Variants in ACSF2 observed in about 807,000 individuals in gnomAD.
ACSF2 encodes the protein acyl-CoA synthetase family member 2.
Under a neutral mutation model 79.3 loss-of-function variants are expected in ACSF2, and 52 were observed. That is an observed-to-expected ratio of 0.66 (90% CI 0.53 to 0.83). The LOEUF (loss-of-function observed/expected upper bound fraction) is 0.83. Among genes scored for constraint, ACSF2 ranks in the 40% least tolerant of loss-of-function variants. The probability of loss-of-function intolerance (pLI) is 0.00; values close to 1 mark genes in which losing one functional copy is unlikely to be tolerated. For synonymous variants in ACSF2, 283 were observed against 312.6 expected (o/e 0.91, Z 1.00); for missense variants, 661 against 803.3 (o/e 0.82, Z 2.14).
chr17:50,431,783 T>G (rs2029946512), intron 1 of ACSF2, among the ~76,000 whole-genome samples: 1 of 152,182 alleles, frequency 6.6e-6, no homozygotes. Flanking sequence ...GAGCTGCTGA[T>G]CCCGGCCTCT....
chr17:50,451,093 T>C (rs1829633617), intron 1 of ACSF2, among the ~76,000 whole-genome samples: 1 of 152,146 alleles, frequency 6.6e-6, no homozygotes. Context: ...TGCACCACCA[T>C]GCCCAGCTAA....
intron 4 of ACSF2, 122 bp downstream of exon 4, chr17:50,461,808 G>A: frequency 7.7e-7 from 1 of 1,292,430 alleles, no homozygotes; most frequent in Non-Finnish European, 1.1e-6. Flanking sequence ...TACGCAGAGT[G>A]TCCTTCCTTA....
rs372856581 is a variant in ACSF2 at position 50,462,488 on chromosome 17, T to G, written c.695T>G (p.Val232Gly). 1 of 1,613,282 alleles carries G rather than the reference T, an allele frequency of 6.2e-7. No individual in the cohort carries two copies. The highest frequency in any genetic ancestry group is 8.5e-7 in the Non-Finnish European group (1 of 1,179,882). Reference sequence around the variant, plus strand: ...CCGGGGACCCTGCTCCTGGATGAAGTGGTGGCGGCTGGCAGCACACGGCAG... The same window carrying G: ...CCGGGGACCCTGCTCCTGGATGAAGGGGTGGCGGCTGGCAGCACACGGCAG... ...PLPGTLLLDE[V>G]VAAGSTRQHL... Residue 232 changes from valine to glycine, a missense_variant, in exon 6 of 16, where the codon GTG becomes GGG. Coordinates refer to ENST00000300441, the MANE Select transcript of ACSF2 (RefSeq NM_025149.6).
At chr17:50,448,607 C>G (rs572142307) in intron 1 of ACSF2, among the ~76,000 whole-genome samples, 1 of 152,260 alleles carries the variant, frequency 6.6e-6, no homozygotes, top group Non-Finnish European at 1.5e-5. Flanking sequence ...AAACTATGGG[C>G]ATATTCACAG....
intron 1 of ACSF2, among the ~76,000 whole-genome samples, chr17:50,455,883 C>A (rs2031961144): frequency 6.6e-6 from 1 of 152,140 alleles, no homozygotes; most frequent in Non-Finnish European, 1.5e-5. Context: ...GTCCTCACTT[C>A]CCAGGTGAGG....
At position 50,474,411 on chromosome 17, in the gene ACSF2, T is replaced by G. The variant is rs997440636; in HGVS notation, c.1798-91T>G. On this transcript the variant is annotated intron_variant, in intron 15 of 15. Coordinates refer to ENST00000300441, the MANE Select transcript of ACSF2 (RefSeq NM_025149.6). The surrounding 1 kb of genome is among the most constrained non-coding windows in gnomAD (Gnocchi z 4.2). ...CTAATCCTGGTTTGCCTGGGGACTT[T>G]CCCTGTTTTGGCACTAAGAGCCTGA... 6.5e-7 allele frequency: 1 copy of G among 1,530,312 alleles called. No homozygotes were observed. The highest frequency in any genetic ancestry group is 9.0e-7 in the Non-Finnish European group (1 of 1,106,224). The allele number at this position is 1,530,312 out of a possible 1,614,324, so 94.8% of individuals were successfully genotyped here. A position where few individuals can be genotyped will look rare whatever the true frequency, so the allele number is the denominator to read the frequency against.
Position 50,463,316 on chromosome 17 carries a change from G to A in ACSF2, c.888+65G>A, listed in dbSNP as rs1191294262. On this transcript the variant is annotated intron_variant, in intron 7 of 15. Coordinates refer to ENST00000300441, the MANE Select transcript of ACSF2 (RefSeq NM_025149.6). The surrounding 1 kb of genome is among the most constrained non-coding windows in gnomAD (Gnocchi z 4.6). ...GTGGCTCAGGCAGGGGTGGGGGGCTGGCTGGGCTCCCCTTGCCAGCTAGAG... is the reference window on the plus strand; with the variant it reads ...GTGGCTCAGGCAGGGGTGGGGGGCTAGCTGGGCTCCCCTTGCCAGCTAGAG... 6.2e-7 allele frequency: 1 copy of A among 1,610,834 alleles called. No homozygotes were observed.
At chr17:50,452,351 G>T (rs1243735233) in intron 1 of ACSF2, among the ~76,000 whole-genome samples, 1 of 152,152 alleles carries the variant, frequency 6.6e-6, no homozygotes, top group African/African-American at 2.4e-5. Context: ...GGGCACCGTG[G>T]CTCATACCTG....
At position 50,474,321 on chromosome 17, in the gene ACSF2, G is replaced by A; in HGVS notation, c.1797+54G>A. ...GCAGCCTGGGCTCTGGGGCCCCATA[G>A]GGCCCCACCTCTGTTTCCTTCAGCA... is the stretch of plus-strand genomic sequence containing the variant. On this transcript the variant is annotated intron_variant, in intron 15 of 15. Coordinates refer to ENST00000300441, the MANE Select transcript of ACSF2 (RefSeq NM_025149.6). This position sits in a 1 kb window ranked among gnomAD's most constrained non-coding sequence, Gnocchi z 4.2. 1.3e-6 allele frequency: 2 copies of A among 1,590,878 alleles called. No individual in the cohort carries two copies. Among genetic ancestry groups the A allele is most frequent in the Non-Finnish European group, 1.7e-6 (2 of 1,160,096 alleles).
intron 1 of ACSF2, among the ~76,000 whole-genome samples, chr17:50,439,824 G>A (rs189092141): frequency 3.3e-5 from 5 of 152,222 alleles, no homozygotes; most frequent in East Asian, 3.9e-4. Context: ...AGAGTTTGCC[G>A]CTCTGGTGGG....
chr17:50,469,116 C>T, intron 10 of ACSF2: 1 of 1,083,690 alleles, frequency 9.2e-7, no homozygotes, highest in Non-Finnish European at 1.2e-6. Context: ...TAGCCCCCCG[C>T]TCTCCTATGG....
In ACSF2 at chr17:50,439,486, C is replaced by T. The variant is rs145667611; in HGVS notation, c.128+13097C>T. Among the ~76,000 whole-genome samples the T allele has an allele frequency of 9.1e-4, 139 of 152,162 alleles. 1 individual carries two copies. Among genetic ancestry groups the T allele is most frequent in the African/African-American group, 3.3e-3 (135 of 41,482 alleles). On this transcript the variant is annotated intron_variant, in intron 1 of 15. Transcript: ENST00000300441. ...ATCTCAGATGGACATAAGTTGAGAC[C>T]TGTAGATCTAAGTTATTGGTTTTAC...
rs2032409677 is a variant in ACSF2, at chr17:50,462,525, G to A, written c.732G>A (p.Gln244=). The stretch of plus-strand genomic sequence containing the variant: ...GCAGCACACGGCAGCATCTGGACCA[G>A]CTCCAATACAACCAGCAGTTCCTGT... ...AAGSTRQHLD[Q]LQYNQQFLSC... The change falls in exon 6 of 16, where the codon CAG becomes CAA. Residue 244 remains glutamine (Q), a synonymous_variant. Transcript: ENST00000300441. 6.2e-7 allele frequency: 1 copy of A among 1,613,898 alleles called. No individual in the cohort carries two copies. The highest frequency in any genetic ancestry group is 8.5e-7 in the Non-Finnish European group (1 of 1,180,008).
At chr17:50,458,782 G>A (rs1598416332) in intron 1 of ACSF2, among the ~76,000 whole-genome samples, 2 of 152,330 alleles carry the variant, frequency 1.3e-5, no homozygotes, top group South Asian at 2.1e-4. Flanking sequence ...TAGTATGGGT[G>A]GCCCCAGGGC....
Position 50,464,286 on chromosome 17 carries a change from G to T in ACSF2, c.1207G>T (p.Asp403Tyr), listed in dbSNP as rs1361613398. ...CATCATCAACAAGATAAATATGAAG[G>T]ACCTGGTGGTGAGTGGTGACTGCGG... ...RAIINKINMK[D>Y]LVVAYGTTEN... The change falls in exon 10 of 16, where the codon GAC (aspartate) becomes TAC (tyrosine). Residue 403 changes from aspartate (D) to tyrosine (Y), a missense_variant. By Grantham distance (160) the Asp-to-Tyr change is radical. Coordinates refer to ENST00000300441, the MANE Select transcript of ACSF2 (RefSeq NM_025149.6). 3 of 1,613,974 alleles carry T rather than the reference G, an allele frequency of 1.9e-6. No individual in the cohort carries two copies. The Admixed American group carries it at 5.0e-5, about 27-fold the overall frequency.
chr17:50,469,849 A>G (rs2033022490), intron 10 of ACSF2: 2 of 152,228 alleles, frequency 1.3e-5, no homozygotes, highest in African/African-American at 2.4e-5. Flanking sequence ...TCGAGGGACC[A>G]GCCCTGGACG....
chr17:50,474,422 G>C lies in ACSF2; in HGVS notation c.1798-80G>C. 1 of 1,545,298 alleles carries C rather than the reference G, an allele frequency of 6.5e-7. No individual in the cohort carries two copies. ...TTGCCTGGGGACTTTCCCTGTTTTG[G>C]CACTAAGAGCCTGAGAAACCCCTTA... On this transcript the variant is annotated intron_variant, in intron 15 of 15. Coordinates refer to ENST00000300441, the MANE Select transcript of ACSF2 (RefSeq NM_025149.6). The surrounding 1 kb of genome is among the most constrained non-coding windows in gnomAD (Gnocchi z 4.2).
chr17:50,426,783 G>A, intron 1 of ACSF2: 1 of 1,045,974 alleles, frequency 9.6e-7, no homozygotes, highest in Non-Finnish European at 1.4e-6. Context: ...TTGGGGATCA[G>A]CCCCAGTCTC....
At chr17:50,434,951 A>T (rs2030270695) in intron 1 of ACSF2, among the ~76,000 whole-genome samples, 1 of 151,586 alleles carries the variant, frequency 6.6e-6, no homozygotes, top group African/African-American at 2.4e-5. Flanking sequence ...GCTCATCACA[A>T]CCTCCGCCTC....
Sources: gnomAD v4.1 joint callset for allele counts (sites outside exome capture counted in the v4.1 genomes callset) on GRCh38, gnomAD v4.1.1 for gene constraint, Gnocchi (gnomAD v3.1) non-coding constraint, MANE v1.5 for transcripts, NCBI Gene and HGNC (gene_info 2026-07-23, HGNC 2026-07-21) for gene names.